Variants in ITPR2 observed in about 807,000 individuals in gnomAD.
ITPR2 encodes inositol 1,4,5-trisphosphate receptor type 2.
A neutral mutation model predicts 317.1 loss-of-function variants in ITPR2; 207 were observed. The ratio of observed to expected loss-of-function variants is 0.65; its 90% CI spans 0.58 to 0.73. The LOEUF is 0.73. Ranked by LOEUF, ITPR2 falls within the 30% of genes least tolerant of loss-of-function variation. The pLI, the probability that ITPR2 is intolerant of heterozygous loss-of-function variation, is 0.00. For synonymous variants in ITPR2, 1,156 were observed against 1,149.1 expected (o/e 1.01, Z -0.12); for missense variants, 2,613 against 3,284.0 (o/e 0.80, Z 4.99).
At chr12:26,642,614 T>C (rs193164896) in intron 21 of ITPR2, among the ~76,000 whole-genome samples, 1 of 151,888 alleles carries the variant, frequency 6.6e-6, no homozygotes, top group Admixed American at 6.6e-5. Flanking sequence ...CTGCAAAAGA[T>C]ATTACTCATT....
At chr12:26,524,487 CTTA>C (rs984898204) in intron 37 of ITPR2, among the ~76,000 whole-genome samples, 29 of 152,022 alleles carry the variant, frequency 1.9e-4, no homozygotes, top group African/African-American at 3.4e-4. Context: ...TTACCCTTGC[CTTA>C]TTATTATTAC....
At chr12:26,685,228 G>A (rs968000180) in intron 11 of ITPR2, among the ~76,000 whole-genome samples, 1 of 152,132 alleles carries the variant, frequency 6.6e-6, no homozygotes, top group Non-Finnish European at 1.5e-5. Flanking sequence ...AAGACTCCTC[G>A]ATGCATCTAG....
chr12:26,351,683 A>G (rs1384436639), intron 55 of ITPR2, among the ~76,000 whole-genome samples: 1 of 152,160 alleles, frequency 6.6e-6, no homozygotes, highest in Non-Finnish European at 1.5e-5. Context: ...TGGGGACACC[A>G]GCAACCCAAG....
chr12:26,409,229 C>T (rs1940459292), intron 52 of ITPR2, among the ~76,000 whole-genome samples: 1 of 152,114 alleles, frequency 6.6e-6, no homozygotes, highest in African/African-American at 2.4e-5. Context: ...CTAACCCACA[C>T]TATCAGTGCA....
At chr12:26,362,467 C>T (rs1033377222) in intron 55 of ITPR2, among the ~76,000 whole-genome samples, 2 of 152,204 alleles carry the variant, frequency 1.3e-5, no homozygotes, top group African/African-American at 2.4e-5. Context: ...CCAGCAAGTG[C>T]TCAAATATGT....
At chr12:26,631,465 T>C in intron 22 of ITPR2, among the ~76,000 whole-genome samples, 1 of 152,212 alleles carries the variant, frequency 6.6e-6, no homozygotes, top group East Asian at 1.9e-4. Context: ...AATCTAGATA[T>C]ATGGAATCAC....
intron 48 of ITPR2, among the ~76,000 whole-genome samples, chr12:26,430,549 C>G (rs1039736251): frequency 3.3e-5 from 5 of 152,226 alleles, no homozygotes; most frequent in African/African-American, 1.2e-4. Flanking sequence ...CGGGCATGAG[C>G]CACCTCGCTG....
intron 36 of ITPR2, among the ~76,000 whole-genome samples, chr12:26,555,851 AC>A (rs1366390659): frequency 2.0e-5 from 3 of 152,222 alleles, no homozygotes; most frequent in African/African-American, 7.2e-5. Context: ...CAATAGTAAG[AC>A]CTCAATAAAA....
Position 26,832,876 on chromosome 12 carries a change from G to T in ITPR2, c.-95C>A. On this transcript the variant is annotated 5_prime_UTR_variant, in exon 1 of 57. Coordinates refer to ENST00000381340, the MANE Select transcript of ITPR2 (RefSeq NM_002223.4). ...CGCCGCGGCAGAAGCGGATCGGATCGCGGGACTACAGCGGCCAAGAGCCGC... is the reference window on the plus strand; with the variant it reads ...CGCCGCGGCAGAAGCGGATCGGATCTCGGGACTACAGCGGCCAAGAGCCGC... 1.0e-6 allele frequency: 1 copy of T among 961,876 alleles called. No homozygotes were observed. The highest frequency in any genetic ancestry group is 1.6e-6 in the Non-Finnish European group (1 of 618,834). The allele number at this position is 961,876 out of a possible 1,614,324, so 59.6% of individuals were successfully genotyped here. A position where few individuals can be genotyped will look rare whatever the true frequency, so the allele number is the denominator to read the frequency against.
In ITPR2 at chr12:26,544,705, G is replaced by A. The variant is rs114013195; in HGVS notation, c.5073+5542C>T. 2.9e-3 allele frequency among the ~76,000 whole-genome samples: 406 copies of A among 139,562 alleles called. 3 individuals are homozygous for A. The highest frequency in any genetic ancestry group is 9.6e-3 in the African/African-American group (388 of 40,544). The allele number at this position is 139,562 out of a possible 152,430, so 91.6% of individuals were successfully genotyped here. On this transcript the variant is annotated intron_variant, in intron 37 of 56. Coordinates refer to ENST00000381340, the MANE Select transcript of ITPR2 (RefSeq NM_002223.4). ...AAGTTGACATTTTAAATTCAAATAA[G>A]TGGAGTCTCAAATGTAATATTAGAA... is the stretch of plus-strand genomic sequence containing the variant.
At chr12:26,400,093 G>A (rs1312082212) in intron 53 of ITPR2, 35 bp downstream of exon 53, 3 of 1,568,516 alleles carry the variant, frequency 1.9e-6, no homozygotes, top group Admixed American at 1.9e-5. Flanking sequence ...AAAAAAAGAT[G>A]TGCTCCTTGA....
At chr12:26,448,002 T>TAAAAAAAAA (rs10648745) in intron 45 of ITPR2, among the ~76,000 whole-genome samples, 1 of 147,584 alleles carries the variant, frequency 6.8e-6, no homozygotes, top group African/African-American at 2.5e-5. Flanking sequence ...GACTTTTTTT[T>TAAAAAAAAA]AAAAAAAAAA....
chr12:26,747,986 T>A (rs140439792), intron 2 of ITPR2, among the ~76,000 whole-genome samples: 1 of 152,190 alleles, frequency 6.6e-6, no homozygotes, highest in Non-Finnish European at 1.5e-5. Context: ...CTTCCACCAA[T>A]GCAAGTCCCT....
intron 55 of ITPR2, among the ~76,000 whole-genome samples, chr12:26,344,467 G>A (rs1163713480): frequency 2.6e-5 from 4 of 152,188 alleles, no homozygotes; most frequent in Admixed American, 1.3e-4. Flanking sequence ...TGTTCTAACA[G>A]TAGACTGCAA....
At chr12:26,771,033 G>C (rs912845513) in intron 2 of ITPR2, among the ~76,000 whole-genome samples, 1 of 152,096 alleles carries the variant, frequency 6.6e-6, no homozygotes, top group African/African-American at 2.4e-5. Flanking sequence ...CCTTCTATTC[G>C]TATGTCTTGT....
intron 39 of ITPR2, among the ~76,000 whole-genome samples, chr12:26,491,087 G>A (rs17473631): frequency 0.065 from 9,936 of 152,234 alleles, 466 homozygotes; most frequent in Non-Finnish European, 0.094. Flanking sequence ...AGGGAAAGTT[G>A]GAAAATTTGA....
At chr12:26,370,944 A>T (rs1187455742) in intron 55 of ITPR2, among the ~76,000 whole-genome samples, 1 of 152,232 alleles carries the variant, frequency 6.6e-6, no homozygotes, top group African/African-American at 2.4e-5. Flanking sequence ...AAGTGCTGGG[A>T]TTACAGGCGT....
At chr12:26,570,185 A>G (rs1945122529) in intron 34 of ITPR2, among the ~76,000 whole-genome samples, 1 of 152,158 alleles carries the variant, frequency 6.6e-6, no homozygotes, top group Non-Finnish European at 1.5e-5. Flanking sequence ...TTATTTCTGT[A>G]CATGTTATAT....
intron 55 of ITPR2, among the ~76,000 whole-genome samples, chr12:26,378,900 G>C (rs1464556327): frequency 6.6e-6 from 1 of 152,072 alleles, no homozygotes; most frequent in Non-Finnish European, 1.5e-5. Flanking sequence ...GCCATTGTAG[G>C]ATTGTCATCT....
Sources: gnomAD v4.1 joint callset for allele counts (sites outside exome capture counted in the v4.1 genomes callset) on GRCh38, gnomAD v4.1.1 for gene constraint, MANE v1.5 for transcripts, NCBI Gene and HGNC (gene_info 2026-07-23, HGNC 2026-07-21) for gene names.